AP1G1: variants seen among roughly 807,000 people sequenced by gnomAD.
AP1G1 encodes adaptor related protein complex 1 subunit gamma 1.
A neutral mutation model predicts 108.3 loss-of-function variants in AP1G1; 7 were observed. The ratio of observed to expected loss-of-function variants is 0.06; its 90% confidence interval spans 0.04 to 0.12. The LOEUF is 0.12. AP1G1 is among the 10% of genes least tolerant of loss of function. The pLI is 1.00. For synonymous variants in AP1G1, 379 were observed against 353.5 expected, an observed-to-expected ratio of 1.07 and a Z score of -0.81; for missense variants, 756 against 1,010.7, an observed-to-expected ratio of 0.75 and a Z score of 3.42.
intron 19 of AP1G1, among the ~76,000 whole-genome samples, chr16:71,740,312 T>C (rs1215243302): frequency 4.6e-5 from 7 of 152,170 alleles, no homozygotes; most frequent in Non-Finnish European, 8.8e-5. Context: ...ATCCTCCCAG[T>C]TGTAACAACC....
chr16:71,808,263 G>A, intron 1 of AP1G1: 1 of 1,001,070 alleles, frequency 1.0e-6, no homozygotes, highest in African/African-American at 1.7e-5. Flanking sequence ...GTTAGAGAGA[G>A]GCGAGGCCGA....
chr16:71,750,417 T>C, intron 13 of AP1G1, 85 bp from the exon 14 acceptor site: 5 of 1,529,070 alleles, frequency 3.3e-6, no homozygotes, highest in Non-Finnish European at 4.5e-6. Context: ...CTGTGTGTTT[T>C]TTCCTTTCTT....
intron 19 of AP1G1, among the ~76,000 whole-genome samples, chr16:71,744,572 T>TG (rs1555551734): frequency 7.2e-4 from 3 of 4,178 alleles, no homozygotes; most frequent in Admixed American, 5.4e-3. Context: ...AGAAAGTGTG[T>TG]TTTTTTTTTT....
intron 15 of AP1G1, among the ~76,000 whole-genome samples, chr16:71,748,968 G>A (rs1597043747): frequency 6.6e-6 from 1 of 151,882 alleles, no homozygotes; most frequent in Non-Finnish European, 1.5e-5. Context: ...ATGCAGTGGC[G>A]CAATCTTGGC....
chr16:71,733,723 C>T (rs1439781517), intron 22 of AP1G1, among the ~76,000 whole-genome samples: 3 of 152,226 alleles, frequency 2.0e-5, no homozygotes, highest in African/African-American at 4.8e-5. Flanking sequence ...GTATCCAAGT[C>T]TCTTAAAAAA....
At chr16:71,755,205 C>T (rs1170628316) in intron 12 of AP1G1, among the ~76,000 whole-genome samples, 1 of 152,078 alleles carries the variant, frequency 6.6e-6, no homozygotes, top group East Asian at 1.9e-4. Flanking sequence ...GCAGGCGAAT[C>T]GCTTGAGTCC....
chr16:71,762,213 A>G (rs1349222330), intron 9 of AP1G1, among the ~76,000 whole-genome samples: 2 of 152,094 alleles, frequency 1.3e-5, no homozygotes, highest in Non-Finnish European at 2.9e-5. Context: ...CACATGGTTC[A>G]ACCTTGAAGA....
At chr16:71,779,063 C>A (rs2031901567) in intron 2 of AP1G1, among the ~76,000 whole-genome samples, 1 of 152,186 alleles carries the variant, frequency 6.6e-6, no homozygotes, top group Non-Finnish European at 1.5e-5. Flanking sequence ...CCAAATTCCA[C>A]ACAATTAATG....
intron 2 of AP1G1, 107 bp from the exon 3 acceptor site, chr16:71,774,699 A>C: frequency 2.5e-6 from 3 of 1,180,076 alleles, no homozygotes; most frequent in Non-Finnish European, 2.3e-6. Flanking sequence ...TAAAGTACAA[A>C]TGTGTTTCAT....
chr16:71,801,922 CAAAAAA>C (rs901972267), intron 1 of AP1G1, among the ~76,000 whole-genome samples: 2 of 63,748 alleles, frequency 3.1e-5, no homozygotes, highest in African/African-American at 5.9e-5. Flanking sequence ...ACTCCGTAAC[CAAAAAA>C]AAAAAAAAAA....
chr16:71,773,382 G>C lies in AP1G1; in HGVS notation c.327-20C>G, dbSNP rs1483392835. ...AGATCACTGCAAAAGAAAAGAGGAA[G>C]GTAGGAACAAGCCTGGTGCTCCCCA... is the stretch of plus-strand genomic sequence containing the variant. On this transcript the variant is annotated intron_variant, in intron 3 of 22. Transcript: ENST00000299980. 6.8e-7 allele frequency: 1 copy of C among 1,481,062 alleles called. No individual in the cohort carries two copies. The highest frequency in any genetic ancestry group is 8.9e-7 in the Non-Finnish European group (1 of 1,119,516). The allele number at this position is 1,481,062 out of a possible 1,614,324, so 91.7% of individuals were successfully genotyped here. A position where few individuals can be genotyped will look rare whatever the true frequency, so the allele number is the denominator to read the frequency against.
chr16:71,756,220 C>G, intron 11 of AP1G1, 61 bp from the exon 12 acceptor site: 3 of 1,522,050 alleles, frequency 2.0e-6, no homozygotes, highest in Non-Finnish European at 2.7e-6. Flanking sequence ...AAACAAAGAC[C>G]CAGGTATGCA....
intron 2 of AP1G1, among the ~76,000 whole-genome samples, chr16:71,786,348 A>C (rs1316249336): frequency 6.6e-6 from 1 of 152,140 alleles, no homozygotes; most frequent in African/African-American, 2.4e-5. Context: ...CCCTTAGTCC[A>C]GGGACTGTGG....
At position 71,745,247 on chromosome 16, in the gene AP1G1, C is replaced by T. The variant is rs762609935; in HGVS notation, c.1896G>A (p.Leu632=). 1.2e-6 allele frequency: 2 copies of T among 1,614,196 alleles called. No homozygotes were observed. Among genetic ancestry groups the T allele is most frequent in the East Asian group, 4.5e-5 (2 of 44,886 alleles). ...TAACAGGTGTTATGTCATTTCCTCC[C>T]AACAAATCCAATAAATCATTGGCCT... The part of the protein sequence containing the change: ...TSQANDLLDL[L]GGNDITPVIP... Residue 632 remains leucine, a synonymous_variant, in exon 19 of 23, where the codon TTG becomes TTA. Coordinates refer to ENST00000299980, the MANE Select transcript of AP1G1 (RefSeq NM_001128.6).
chr16:71,750,566 C>A (rs939669924), intron 13 of AP1G1: 3 of 401,448 alleles, frequency 7.5e-6, no homozygotes, highest in Non-Finnish European at 1.4e-5. Flanking sequence ...AGGTACATGC[C>A]ACCACACCTG....
rs74027299 is a variant in AP1G1, at chr16:71,754,983, A to C, written c.1229+1036T>G. Reference sequence around the variant, plus strand: ...GAAAAGGGACTGTTTTCAGACCAAGACAACATTTGGACTAAAAACTTGTTT... The same window carrying C: ...GAAAAGGGACTGTTTTCAGACCAAGCCAACATTTGGACTAAAAACTTGTTT... On this transcript the variant is annotated intron_variant, in intron 12 of 22. Transcript: ENST00000299980. Among the ~76,000 whole-genome samples, 141 of 152,344 alleles carry C rather than the reference A, an allele frequency of 9.3e-4. 1 individual carries two copies. Among genetic ancestry groups the C allele is most frequent in the African/African-American group, 3.1e-3 (129 of 41,580 alleles).
intron 4 of AP1G1, among the ~76,000 whole-genome samples, chr16:71,771,869 T>C (rs1016665062): frequency 6.6e-6 from 1 of 152,200 alleles, no homozygotes; most frequent in Admixed American, 6.5e-5. Flanking sequence ...ATAGTATCTA[T>C]GTGGCCCTCA....
At position 71,756,115 on chromosome 16, in the gene AP1G1, A is replaced by C. The variant is rs759614410; in HGVS notation, c.1133T>G (p.Ile378Ser). 8 of 1,613,778 alleles carry C rather than the reference A, an allele frequency of 5.0e-6. No homozygotes were observed. The highest frequency in any genetic ancestry group is 6.8e-6 in the Non-Finnish European group (8 of 1,179,814). Reference protein sequence around the residue: ...LSFALVNGNNIRGMMKELLYF... With the variant: ...LSFALVNGNNSRGMMKELLYF... ...AAGTAATTCTTTCATCATGCCTCGGATATTATTCCCATTTACCAGGGCAAA... is the reference window on the plus strand; with the variant it reads ...AAGTAATTCTTTCATCATGCCTCGGCTATTATTCCCATTTACCAGGGCAAA... The change falls in exon 12 of 23, where the codon ATC becomes AGC. Residue 378 changes from isoleucine to serine, a missense_variant. Ile to Ser is a moderately radical substitution (Grantham distance 142, BLOSUM62 -2). This residue lies in a region of AP1G1 where 304 missense variants were observed against 483.6 expected (regional missense o/e 0.63). Coordinates refer to ENST00000299980, the MANE Select transcript of AP1G1 (RefSeq NM_001128.6).
intron 10 of AP1G1, among the ~76,000 whole-genome samples, chr16:71,760,744 T>C (rs1411268123): frequency 3.3e-5 from 5 of 151,648 alleles, no homozygotes; most frequent in African/African-American, 1.2e-4. Context: ...AGATGGAGTT[T>C]TGCCATGTTG....
Sources: allele counts gnomAD v4.1 joint callset (sites outside exome capture counted in the v4.1 genomes callset), GRCh38; gene constraint gnomAD v4.1.1; regional missense constraint gnomAD v4.1.1; transcripts MANE v1.5; gene names NCBI Gene and HGNC (gene_info 2026-07-23, HGNC 2026-07-21).